Variants in ZNF208 observed in about 807,000 individuals in gnomAD.
ZNF208 encodes zinc finger protein 95.
In ZNF208, 10 loss-of-function variants were observed where a neutral mutation model predicts 12.1. The ratio of observed to expected loss-of-function variants is 0.83; its 90% CI spans 0.51 to 1.40. The LOEUF is 1.40. Among genes scored for constraint, ZNF208 ranks in the 40% most tolerant of loss-of-function variants. The pLI is 0.00. For missense variants in ZNF208, 1,652 were observed against 1,485.0 expected (o/e 1.11, Z -1.85); for synonymous variants, 497 against 488.4 (o/e 1.02, Z -0.23).
intron 1 of ZNF208, among the ~76,000 whole-genome samples, chr19:22,002,257 G>A (rs1447171613): frequency 2.0e-5 from 3 of 152,110 alleles, no homozygotes; most frequent in Non-Finnish European, 4.4e-5. Flanking sequence ...ACAAAACCTG[G>A]AAGCATTCCT....
Position 21,974,241 on chromosome 19 carries a change from C to A in ZNF208, c.793G>T (p.Ala265Ser). 2.5e-6 allele frequency: 4 copies of A among 1,612,138 alleles called. No homozygotes were observed. In the South Asian group the frequency reaches 3.3e-5, roughly 13 times the overall value. Residue 265 changes from alanine to serine, a missense_variant, in exon 4 of 4, where the codon GCT becomes TCT. Ala to Ser is a moderately conservative substitution (Grantham distance 99). Coordinates refer to ENST00000397126, the MANE Select transcript of ZNF208 (RefSeq NM_007153.3). ...KSYKCEECGK[A>S]FNQSAILTKH... ...GTAAGGATTGCAGATTGGTTAAAAG[C>A]CTTGCCACATTCTTCACATTTGTAG... is the stretch of plus-strand genomic sequence containing the variant.
chr19:21,951,874 G>C (rs1000691209), intron 4 of ZNF208, among the ~76,000 whole-genome samples: 4 of 152,218 alleles, frequency 2.6e-5, no homozygotes, highest in Non-Finnish European at 5.9e-5. Context: ...ACAAGGGGTT[G>C]GGGGATTTCC....
intron 4 of ZNF208, among the ~76,000 whole-genome samples, chr19:21,960,639 A>C (rs1859092): frequency 1.3e-5 from 2 of 152,008 alleles, no homozygotes; most frequent in African/African-American, 2.4e-5. Flanking sequence ...ATATGATTGC[A>C]GGGTCACCCC....
chr19:21,939,862 AC>A (rs980419643), intron 4 of ZNF208: 1 of 152,386 alleles, frequency 6.6e-6, no homozygotes, highest in Admixed American at 6.5e-5. Context: ...GTTTCAGCCA[AC>A]AGGTTAAAAT....
At chr19:21,965,236 A>G (rs1970143408), downstream of ZNF208, among the ~76,000 whole-genome samples, 1 of 152,102 alleles carries the variant, frequency 6.6e-6, no homozygotes, top group Non-Finnish European at 1.5e-5. Flanking sequence ...ACTATAAATA[A>G]TACACTAAAA....
At chr19:21,943,058 G>C (rs1246727304) in intron 4 of ZNF208, among the ~76,000 whole-genome samples, 5 of 152,102 alleles carry the variant, frequency 3.3e-5, no homozygotes, top group Non-Finnish European at 7.3e-5. Flanking sequence ...TCCTGTTATT[G>C]TCTGAGAAAA....
intron 1 of ZNF208, among the ~76,000 whole-genome samples, chr19:22,000,779 T>C (rs957454133): frequency 2.0e-5 from 3 of 152,070 alleles, no homozygotes; most frequent in African/African-American, 7.2e-5. Context: ...ATAAAATCTA[T>C]TTTTTTAAAA....
intron 1 of ZNF208, among the ~76,000 whole-genome samples, chr19:21,999,974 C>G (rs116608223): frequency 3.6e-3 from 545 of 152,278 alleles, no homozygotes; most frequent in African/African-American, 0.013. Flanking sequence ...ATTTTGCACA[C>G]TGTGTGCACT....
At position 21,969,494 on chromosome 19, in the gene ZNF208, ACTT is replaced by A. The variant is rs1184023391; in HGVS notation, c.*1694_*1696del. ...TGTGAATTAGCTGATATTTACATAAACTTAATTTTGGATTAAATATTTTTTATA... is the reference window on the plus strand; with the variant it reads ...TGTGAATTAGCTGATATTTACATAAAAATTTTGGATTAAATATTTTTTATA... On this transcript the variant is annotated 3_prime_UTR_variant, in exon 4 of 4. Coordinates refer to ENST00000397126, the MANE Select transcript of ZNF208 (RefSeq NM_007153.3). Among the ~76,000 whole-genome samples the A allele has an allele frequency of 3.3e-5, 5 of 152,166 alleles. No individual in the cohort carries two copies. The highest frequency in any genetic ancestry group is 3.3e-4 in the Admixed American group (5 of 15,258).
intron 1 of ZNF208, among the ~76,000 whole-genome samples, chr19:22,007,569 A>G (rs1406571919): frequency 6.6e-6 from 1 of 151,908 alleles, no homozygotes. Flanking sequence ...CTCTGAGAAA[A>G]TAAAAGATGA....
rs775708362 is a variant in ZNF208 at position 21,971,141 on chromosome 19, T to C, written c.*50A>G. 1.2e-6 allele frequency: 2 copies of C among 1,613,028 alleles called. No individual in the cohort carries two copies. The highest frequency in any genetic ancestry group is 1.3e-5 in the African/African-American group (1 of 75,008). ...CTCTCCAGTATGAATTTTCTTATGA[T>C]AACTAAGGGTTGAGGGCCACTTATA... On this transcript the variant is annotated 3_prime_UTR_variant, in exon 4 of 4. Coordinates refer to ENST00000397126, the MANE Select transcript of ZNF208 (RefSeq NM_007153.3).
At chr19:21,975,143 T>C (rs2145553218) in intron 3 of ZNF208, among the ~76,000 whole-genome samples, 1 of 152,278 alleles carries the variant, frequency 6.6e-6, no homozygotes, top group South Asian at 2.1e-4. Context: ...ATTGTCAACT[T>C]CTGTTTGTGT....
At chr19:21,946,102 G>T (rs1381399488) in intron 4 of ZNF208, among the ~76,000 whole-genome samples, 1 of 152,192 alleles carries the variant, frequency 6.6e-6, no homozygotes, top group African/African-American at 2.4e-5. Flanking sequence ...GGGCTCCCAG[G>T]AAAAAGTTTT....
chr19:21,969,759 G>A lies in ZNF208; in HGVS notation c.*1432C>T, dbSNP rs1970245157. Among the ~76,000 whole-genome samples, 1 of 152,088 alleles carries A rather than the reference G, an allele frequency of 6.6e-6. No individual in the cohort carries two copies. Among genetic ancestry groups the A allele is most frequent in the Non-Finnish European group, 1.5e-5 (1 of 68,020 alleles). On this transcript the variant is annotated 3_prime_UTR_variant, in exon 4 of 4. Coordinates refer to ENST00000397126, the MANE Select transcript of ZNF208 (RefSeq NM_007153.3). Reference sequence around the variant, plus strand: ...CTACAACCCTCTTAATATTTATAATGTGTTTCCTCAAAATAAATATTCTTC... The same window carrying A: ...CTACAACCCTCTTAATATTTATAATATGTTTCCTCAAAATAAATATTCTTC...
At chr19:21,954,328 GT>G (rs1400113610) in intron 4 of ZNF208, among the ~76,000 whole-genome samples, 5 of 152,342 alleles carry the variant, frequency 3.3e-5, no homozygotes, top group Non-Finnish European at 4.4e-5. Flanking sequence ...GGGGTAGAGA[GT>G]TCTGTAGATG....
intron 1 of ZNF208, among the ~76,000 whole-genome samples, chr19:22,001,328 C>T (rs1016586030): frequency 1.3e-5 from 2 of 151,982 alleles, no homozygotes; most frequent in Non-Finnish European, 2.9e-5. Context: ...GCCCTAAATA[C>T]ATAGATAAGC....
rs533222350 is a variant in ZNF208 at position 21,969,578 on chromosome 19, T to C, written c.*1613A>G. Among the ~76,000 whole-genome samples, 8 of 152,300 alleles carry C rather than the reference T, an allele frequency of 5.3e-5. No individual in the cohort carries two copies. The South Asian group carries it at 6.2e-4, about 12-fold the overall frequency. ...ATAAACGCATTTGTGTTTTATAATC[T>C]GTAGTTTTTGAAAAAATGTTTTTCC... On this transcript the variant is annotated 3_prime_UTR_variant, in exon 4 of 4. Coordinates refer to ENST00000397126, the MANE Select transcript of ZNF208 (RefSeq NM_007153.3).
intron 4 of ZNF208, among the ~76,000 whole-genome samples, chr19:21,955,493 A>G (rs1410742046): frequency 6.6e-6 from 1 of 152,130 alleles, no homozygotes; most frequent in African/African-American, 2.4e-5. Context: ...GTCTTTTCAC[A>G]TATTTCCATA....
Position 21,974,527 on chromosome 19 carries a change from T to G in ZNF208, c.507A>C (p.Gly169=), listed in dbSNP as rs772061335. ...ATTCTTTACATTGCAAATGTTTCTT[T>G]CCAGTATGCCTTATCTTATGTCTGT... ...NSNRHKIRHT[G]KKHLQCKEYV... is the part of the protein sequence containing the mutation. Residue 169 remains glycine (G), a synonymous_variant, in exon 4 of 4, where the codon GGA becomes GGC. Coordinates refer to ENST00000397126, the MANE Select transcript of ZNF208 (RefSeq NM_007153.3). 6.2e-7 allele frequency: 1 copy of G among 1,613,724 alleles called. No individual in the cohort carries two copies. Among genetic ancestry groups the G allele is most frequent in the South Asian group, 1.1e-5 (1 of 91,072 alleles).
Sources: gnomAD v4.1 joint callset for allele counts (sites outside exome capture counted in the v4.1 genomes callset) on GRCh38, gnomAD v4.1.1 for gene constraint, MANE v1.5 for transcripts, NCBI Gene and HGNC (gene_info 2026-07-23, HGNC 2026-07-21) for gene names.